ZNF536: variants seen among roughly 807,000 people sequenced by gnomAD.
ZNF536 encodes zinc finger protein 536.
Under a neutral mutation model 84.5 loss-of-function variants are expected in ZNF536, and 13 were observed. That is an observed-to-expected ratio of 0.15 (90% CI 0.10 to 0.24). ZNF536 has a LOEUF of 0.24. Ranked by LOEUF, ZNF536 falls within the 10% of genes least tolerant of loss-of-function variation. The pLI is 1.00. For synonymous variants in ZNF536, 811 were observed against 742.5 expected, an observed-to-expected ratio of 1.09 and a Z score of -1.50; for missense variants, 1,536 against 1,747.5, an observed-to-expected ratio of 0.88 and a Z score of 2.16.
intron 1 of ZNF536, among the ~76,000 whole-genome samples, chr19:30,584,586 A>G (rs1471496220): frequency 6.6e-6 from 1 of 152,190 alleles, no homozygotes; most frequent in Non-Finnish European, 1.5e-5. Context: ...AATGCCCTCC[A>G]GCTTCTCTCT....
chr19:30,338,624 A>G lies in ZNF536; in HGVS notation c.-119-13744A>G, dbSNP rs898797599. Among the ~76,000 whole-genome samples, 16 of 152,086 alleles carry G rather than the reference A, an allele frequency of 1.1e-4. 1 individual carries two copies. Among genetic ancestry groups the G allele is most frequent in the African/African-American group, 3.9e-4 (16 of 41,402 alleles). On this transcript the variant is annotated intron_variant, in intron 2 of 5. Coordinates refer to the ZNF536 transcript ENST00000585628. ...AGTGCTATCACTTCCTGGTTACTTA[A>G]CCTGGGAGAAACTACTTGACCTCCT...
intron 1 of ZNF536, among the ~76,000 whole-genome samples, chr19:30,273,771 C>T (rs571842909): frequency 5.7e-4 from 87 of 152,226 alleles, no homozygotes; most frequent in African/African-American, 2.0e-3. Context: ...TTTTATGTGG[C>T]CGAGCAGCAT....
chr19:30,349,065 G>A (rs887929927), intron 2 of ZNF536, among the ~76,000 whole-genome samples: 1 of 152,168 alleles, frequency 6.6e-6, no homozygotes, highest in African/African-American at 2.4e-5. Context: ...TGTGTCTTCT[G>A]CCTCAAGTGC....
Position 30,594,850 on chromosome 19 carries a change from G to C in ZNF536, c.169+45336G>C, listed in dbSNP as rs146344005. 2.6e-5 allele frequency among the ~76,000 whole-genome samples: 4 copies of C among 152,230 alleles called. No homozygotes were observed. The East Asian group carries it at 7.8e-4, about 30-fold the overall frequency. ...CAGAGGAGCAGTGCAGGAGGACCGG[G>C]TGTGGATGTAAGGTGTGGGATTCGA... is the stretch of plus-strand genomic sequence containing the variant. On this transcript the variant is annotated intron_variant, in intron 1 of 1. Transcript: ENST00000592773.
At chr19:30,646,445 T>TGAAG (rs1477021818) in intron 1 of ZNF536, among the ~76,000 whole-genome samples, 1 of 152,194 alleles carries the variant, frequency 6.6e-6, no homozygotes, top group African/African-American at 2.4e-5. Context: ...TTGCAAGGTG[T>TGAAG]GAAGGTGTGC....
intron 2 of ZNF536, among the ~76,000 whole-genome samples, chr19:30,481,024 G>C (rs1226100660): frequency 7.7e-6 from 1 of 130,554 alleles, no homozygotes; most frequent in Non-Finnish European, 1.6e-5. Flanking sequence ...GTTAGACCCT[G>C]TCTCAAAAAA....
chr19:30,367,772 C>A (rs2048484127), upstream of ZNF536, among the ~76,000 whole-genome samples: 1 of 152,132 alleles, frequency 6.6e-6, no homozygotes, highest in Non-Finnish European at 1.5e-5. Context: ...TGGCTCCTGG[C>A]CTCACAGATC....
chr19:30,280,087 C>T (rs561867716), intron 1 of ZNF536, among the ~76,000 whole-genome samples: 2 of 152,106 alleles, frequency 1.3e-5, no homozygotes, highest in East Asian at 1.9e-4. Context: ...AAGCAGCCCT[C>T]GCACCTTTCC....
chr19:30,375,451 C>G (rs1186166607), intron 1 of ZNF536, among the ~76,000 whole-genome samples: 2 of 152,098 alleles, frequency 1.3e-5, no homozygotes, highest in African/African-American at 4.8e-5. Flanking sequence ...CGGCACCGAC[C>G]CGGGCGCGCC....
At chr19:30,544,864 C>T (rs186161550) in intron 3 of ZNF536, among the ~76,000 whole-genome samples, 247 of 152,306 alleles carry the variant, frequency 1.6e-3, no homozygotes, top group Middle Eastern at 0.014. Context: ...TGTCTTATTA[C>T]AGGTTGAGGA....
intron 1 of ZNF536, among the ~76,000 whole-genome samples, chr19:30,632,220 T>C (rs1372339127): frequency 1.3e-5 from 2 of 152,232 alleles, no homozygotes; most frequent in Admixed American, 1.3e-4. Context: ...TACTATGTGC[T>C]GGGGACGCAT....
chr19:30,495,569 A>T (rs1040064431), intron 2 of ZNF536, among the ~76,000 whole-genome samples: 4 of 152,238 alleles, frequency 2.6e-5, no homozygotes, highest in African/African-American at 9.6e-5. Context: ...ATGGAGAGAT[A>T]GCAGGCAAAT....
At chr19:30,283,148 A>C (rs2045509345) in intron 1 of ZNF536, among the ~76,000 whole-genome samples, 1 of 152,224 alleles carries the variant, frequency 6.6e-6, no homozygotes, top group South Asian at 2.1e-4. Flanking sequence ...TCCATAGCGA[A>C]ATTCTACCTC....
chr19:30,260,519 A>G (rs2025151004), intron 1 of ZNF536, among the ~76,000 whole-genome samples: 1 of 152,090 alleles, frequency 6.6e-6, no homozygotes, highest in Non-Finnish European at 1.5e-5. Context: ...CCCAAGGCCA[A>G]CCTCCGTTGC....
chr19:30,493,089 C>CTTTTTTTT (rs201787656), intron 2 of ZNF536, among the ~76,000 whole-genome samples: 4 of 71,604 alleles, frequency 5.6e-5, no homozygotes, highest in African/African-American at 2.7e-4. Flanking sequence ...ATATTACTCA[C>CTTTTTTTT]TTTTTTTTTT....
In ZNF536 at chr19:30,549,460, G is replaced by A. The variant is rs374416051; in HGVS notation, c.3841G>A (p.Gly1281Arg). ...TTCTGATGGCTTAGCAGCCTTTAAC[G>A]GACTTGCAAGTAGCACAGCAAATTC... is the stretch of plus-strand genomic sequence containing the variant. Reference protein sequence around the residue: ...YSSDGLAAFNGLASSTANSGC... With the variant: ...YSSDGLAAFNRLASSTANSGC... Residue 1281 changes from glycine to arginine, a missense_variant, in exon 4 of 5, where the codon GGA becomes AGA. Physicochemically the swap from Gly to Arg is moderately radical, Grantham distance 125. Coordinates refer to ENST00000355537, the MANE Select transcript of ZNF536 (RefSeq NM_014717.3). The A allele has an allele frequency of 1.8e-5, 27 of 1,522,808 alleles. No individual in the cohort carries two copies. Among genetic ancestry groups the A allele is most frequent in the South Asian group, 1.4e-4 (11 of 76,098 alleles). The allele number at this position is 1,522,808 out of a possible 1,614,324, so 94.3% of individuals were successfully genotyped here.
intron 2 of ZNF536, among the ~76,000 whole-genome samples, chr19:30,488,131 C>A (rs1184093915): frequency 1.3e-5 from 2 of 152,222 alleles, no homozygotes; most frequent in African/African-American, 2.4e-5. Flanking sequence ...TGGGATCTGA[C>A]ATCTACTTAC....
At chr19:30,547,901 G>T (rs2146170879) in intron 3 of ZNF536, 42 bp from the exon 4 acceptor site, 1 of 1,510,536 alleles carries the variant, frequency 6.6e-7, no homozygotes, top group Non-Finnish European at 8.8e-7. Context: ...ACACCAAAAT[G>T]AGATAAACGC....
intron 1 of ZNF536, among the ~76,000 whole-genome samples, chr19:30,599,740 C>T (rs951953532): frequency 2.0e-5 from 3 of 152,090 alleles, no homozygotes; most frequent in Non-Finnish European, 2.9e-5. Context: ...GGCAGACAGT[C>T]GAGGACCTGA....
Sources: gnomAD v4.1 joint callset for allele counts (sites outside exome capture counted in the v4.1 genomes callset) on GRCh38, gnomAD v4.1.1 for gene constraint, MANE v1.5 for transcripts, NCBI Gene and HGNC (gene_info 2026-07-23, HGNC 2026-07-21) for gene names.